ASH1L: variants seen among roughly 807,000 people sequenced by gnomAD.
ASH1L encodes ASH1 like histone lysine methyltransferase.
A neutral mutation model predicts 269.0 loss-of-function variants in ASH1L; 23 were observed. The ratio of observed to expected loss-of-function variants is 0.09; its 90% CI spans 0.06 to 0.12. The LOEUF (loss-of-function observed/expected upper bound fraction) is 0.12. ASH1L is among the 10% of genes least tolerant of loss of function. The probability of loss-of-function intolerance (pLI) is 1.00; values close to 1 mark genes in which losing one functional copy is unlikely to be tolerated. For missense variants in ASH1L, 2,912 were observed against 3,567.8 expected, an observed-to-expected ratio of 0.82 and a Z score of 4.68; for synonymous variants, 1,187 against 1,253.5, an observed-to-expected ratio of 0.95 and a Z score of 1.12.
intron 6 of ASH1L, among the ~76,000 whole-genome samples, chr1:155,414,079 G>A (rs1391995299): frequency 6.6e-6 from 1 of 152,084 alleles, no homozygotes; most frequent in Non-Finnish European, 1.5e-5. Flanking sequence ...ACCACCAAAC[G>A]AGATGTACCT....
intron 1 of ASH1L, among the ~76,000 whole-genome samples, chr1:155,549,725 T>C (rs1160043816): frequency 6.6e-6 from 1 of 152,142 alleles, no homozygotes; most frequent in East Asian, 1.9e-4. Flanking sequence ...ATCCACAGAT[T>C]TTGGTATCCT....
At chr1:155,456,019 T>A (rs759833357) in intron 4 of ASH1L, among the ~76,000 whole-genome samples, 1 of 152,198 alleles carries the variant, frequency 6.6e-6, no homozygotes, top group Non-Finnish European at 1.5e-5. Context: ...AGTCCTAGGC[T>A]CTGTCTTTTG....
intron 5 of ASH1L, among the ~76,000 whole-genome samples, chr1:155,423,473 G>A (rs1660882279): frequency 2.0e-5 from 3 of 151,958 alleles, no homozygotes; most frequent in African/African-American, 2.4e-5. Context: ...GGAGGCTGAC[G>A]TCGGGGAATT....
chr1:155,503,322 G>A (rs913951452), intron 2 of ASH1L, among the ~76,000 whole-genome samples: 9 of 152,052 alleles, frequency 5.9e-5, no homozygotes, highest in African/African-American at 1.9e-4. Context: ...TCTACCATCT[G>A]TGCATTTTTG....
At chr1:155,352,590 A>G (rs1337942449) in intron 17 of ASH1L, 116 bp downstream of exon 17, 2 of 1,065,052 alleles carry the variant, frequency 1.9e-6, no homozygotes, top group African/African-American at 1.7e-5. Context: ...GGATCACTTG[A>G]GCCCAGGAGT....
intron 4 of ASH1L, among the ~76,000 whole-genome samples, chr1:155,446,035 CTTTTTTTTTT>C (rs77905341): frequency 8.3e-6 from 1 of 119,996 alleles, no homozygotes; most frequent in Non-Finnish European, 1.8e-5. Context: ...CTACACTGTA[CTTTTTTTTTT>C]TTTTTTTTTG....
At chr1:155,426,412 AG>A (rs1176479304) in intron 5 of ASH1L, among the ~76,000 whole-genome samples, 1 of 151,990 alleles carries the variant, frequency 6.6e-6, no homozygotes. Context: ...CGTGTTAGCC[AG>A]GATGGTCTCG....
chr1:155,429,963 G>A (rs898826020), intron 5 of ASH1L, among the ~76,000 whole-genome samples: 1 of 150,980 alleles, frequency 6.6e-6, no homozygotes, highest in South Asian at 2.1e-4. Context: ...ACATCAGCAC[G>A]TCCAGCTGAT....
At chr1:155,559,980 T>A (rs1326140530) in intron 1 of ASH1L, among the ~76,000 whole-genome samples, 1 of 152,184 alleles carries the variant, frequency 6.6e-6, no homozygotes, top group African/African-American at 2.4e-5. Context: ...TATTCCCTTA[T>A]CACCAAATTC....
intron 3 of ASH1L, among the ~76,000 whole-genome samples, chr1:155,473,184 A>G (rs984030173): frequency 6.6e-6 from 1 of 152,212 alleles, no homozygotes; most frequent in African/African-American, 2.4e-5. Flanking sequence ...CACAAACTAA[A>G]TGAAGAAAGC....
intron 5 of ASH1L, among the ~76,000 whole-genome samples, chr1:155,432,139 T>C (rs1008036938): frequency 2.0e-5 from 3 of 152,146 alleles, no homozygotes; most frequent in Non-Finnish European, 4.4e-5. Flanking sequence ...AACCTCTATC[T>C]GTATCCCATG....
chr1:155,479,322 GCTT>G lies in ASH1L; in HGVS notation c.3545_3547del (p.Glu1182del). 2 of 1,614,132 alleles carry G rather than the reference GCTT, an allele frequency of 1.2e-6. No individual in the cohort carries two copies. The highest frequency in any genetic ancestry group is 1.7e-6 in the Non-Finnish European group (2 of 1,180,010). On this transcript the variant is annotated inframe_deletion, in exon 3 of 28. Coordinates refer to ENST00000392403, the MANE Select transcript of ASH1L (RefSeq NM_018489.3). ...AGACTCACTGATTGGGGAAGGAGTA[GCTT>G]CTTTTAGAGATGTGAGTTCACTCAA...
intron 1 of ASH1L, among the ~76,000 whole-genome samples, chr1:155,541,044 C>T (rs1266156436): frequency 6.6e-6 from 1 of 152,098 alleles, no homozygotes; most frequent in African/African-American, 2.4e-5. Context: ...TGGCAGATCA[C>T]CCTGCTAAGT....
At chr1:155,376,430 A>G (rs149100213) in intron 10 of ASH1L, among the ~76,000 whole-genome samples, 1 of 152,124 alleles carries the variant, frequency 6.6e-6, no homozygotes, top group East Asian at 1.9e-4. Context: ...TTTGCTGCAC[A>G]TGTGCATTGT....
At chr1:155,536,192 A>G (rs1670044955) in intron 1 of ASH1L, among the ~76,000 whole-genome samples, 1 of 152,120 alleles carries the variant, frequency 6.6e-6, no homozygotes, top group African/African-American at 2.4e-5. Flanking sequence ...CTTGAGGTGG[A>G]AGTATTTTTG....
chr1:155,514,254 T>G (rs1668357716), intron 2 of ASH1L, among the ~76,000 whole-genome samples: 1 of 152,212 alleles, frequency 6.6e-6, no homozygotes, highest in Non-Finnish European at 1.5e-5. Context: ...TGCCACAAAA[T>G]TATACACTTA....
chr1:155,405,538 G>C (rs1339003002), intron 6 of ASH1L, among the ~76,000 whole-genome samples: 2 of 152,034 alleles, frequency 1.3e-5, no homozygotes, highest in African/African-American at 2.4e-5. Context: ...TTTGGTTAAA[G>C]ATCAAAATAG....
intron 1 of ASH1L, among the ~76,000 whole-genome samples, chr1:155,555,420 C>T (rs2148920529): frequency 6.7e-6 from 1 of 150,082 alleles, no homozygotes; most frequent in East Asian, 2.0e-4. Context: ...TCACTTGAAC[C>T]CAGGAGGCAG....
chr1:155,482,510 C>T, intron 2 of ASH1L, 61 bp from the exon 3 acceptor site: 1 of 1,501,610 alleles, frequency 6.7e-7, no homozygotes, highest in Admixed American at 2.2e-5. Flanking sequence ...TTTAGCTTAG[C>T]TTAACAATCC....
Sources: gnomAD v4.1 joint callset for allele counts (sites outside exome capture counted in the v4.1 genomes callset) on GRCh38, gnomAD v4.1.1 for gene constraint, MANE v1.5 for transcripts, NCBI Gene and HGNC (gene_info 2026-07-23, HGNC 2026-07-21) for gene names.